DPY30: variants seen among roughly 807,000 people sequenced by gnomAD.
DPY30 encodes protein dpy-30 homolog.
Under a neutral mutation model 16.2 loss-of-function variants are expected in DPY30, and 6 were observed. The ratio of observed to expected loss-of-function variants is 0.37; its 90% confidence interval spans 0.20 to 0.73. The LOEUF is 0.73. Ranked by LOEUF, DPY30 falls within the 30% of genes least tolerant of loss-of-function variation. The pLI, the probability that DPY30 is intolerant of heterozygous loss-of-function variation, is 0.51. For synonymous variants in DPY30, 39 were observed against 38.8 expected (o/e 1.00, Z -0.02); for missense variants, 73 against 113.1 (o/e 0.65, Z 1.61).
chr2:32,024,682 C>G (rs891443379), intron 4 of DPY30, among the ~76,000 whole-genome samples: 5 of 152,212 alleles, frequency 3.3e-5, no homozygotes, highest in African/African-American at 1.2e-4. Flanking sequence ...GTGTAATATT[C>G]TGTGTAATAT....
Position 32,039,730 on chromosome 2 carries a change from T to G in DPY30, c.-37+3A>C. 1 of 558,604 alleles carries G rather than the reference T, an allele frequency of 1.8e-6. No individual in the cohort carries two copies. The highest frequency in any genetic ancestry group is 3.2e-6 in the Non-Finnish European group (1 of 312,278). The allele number at this position is 558,604 out of a possible 1,614,324, so 34.6% of individuals were successfully genotyped here. On this transcript the variant is annotated splice_donor_region_variant and intron_variant, in intron 1 of 4. Transcript: ENST00000342166. Reference sequence around the variant, plus strand: ...AGAAAGTGGGGGAAAGGGAGCTGATTACCCGCGCCCAAGCCGTTCGTTCTT... The same window carrying G: ...AGAAAGTGGGGGAAAGGGAGCTGATGACCCGCGCCCAAGCCGTTCGTTCTT...
chr2:32,035,308 A>C (rs1675693582), intron 3 of DPY30, among the ~76,000 whole-genome samples: 1 of 151,942 alleles, frequency 6.6e-6, no homozygotes, highest in Non-Finnish European at 1.5e-5. Context: ...ATAAATAAAT[A>C]AACAAAAACA....
intron 4 of DPY30, 25 bp downstream of exon 4, chr2:32,029,565 AACTC>A: frequency 6.2e-7 from 1 of 1,606,442 alleles, no homozygotes; most frequent in African/African-American, 1.3e-5. Flanking sequence ...TTTCTTTACT[AACTC>A]CATTTGTGGA....
intron 5 of DPY30, among the ~76,000 whole-genome samples, chr2:32,017,488 G>T (rs1479962949): frequency 2.6e-5 from 4 of 151,798 alleles, no homozygotes; most frequent in Non-Finnish European, 5.9e-5. Context: ...ATGGTGGCAG[G>T]CATCTATAAT....
At chr2:32,019,725 CAGG>C (rs1369390347), downstream of DPY30, among the ~76,000 whole-genome samples, 2 of 149,188 alleles carry the variant, frequency 1.3e-5, no homozygotes, top group Non-Finnish European at 3.0e-5. Flanking sequence ...GAGGCTGAGG[CAGG>C]AGATTTGCTT....
At chr2:32,022,486 C>T (rs182241491), downstream of DPY30, among the ~76,000 whole-genome samples, 4 of 151,626 alleles carry the variant, frequency 2.6e-5, no homozygotes, top group East Asian at 7.8e-4. Context: ...TAAGGCATAC[C>T]TAATCAGCAT....
rs754323804 is a variant in DPY30, at chr2:32,039,437, AGCATCT to A, written c.14_19del (p.Gln5_Met6del). 5.9e-5 allele frequency: 96 copies of A among 1,614,084 alleles called. No homozygotes were observed. The African/African-American group carries it at 1.1e-3, about 18-fold the overall frequency. On this transcript the variant is annotated inframe_deletion, in exon 2 of 5. Coordinates refer to ENST00000342166, the MANE Select transcript of DPY30 (RefSeq NM_001321209.2). ...TCCTGATACCTGCGTTTGTCCCTCCAGCATCTGCTCTGGCTCCATGGCGGACCCTGC... is the reference window on the plus strand; with the variant it reads ...TCCTGATACCTGCGTTTGTCCCTCCAGCTCTGGCTCCATGGCGGACCCTGC...
chr2:32,030,500 G>C (rs1675494868), intron 3 of DPY30, among the ~76,000 whole-genome samples: 2 of 151,940 alleles, frequency 1.3e-5, no homozygotes, highest in African/African-American at 4.8e-5. Context: ...CGTGGTGGCA[G>C]GCGCCTGTAG....
chr2:32,037,805 G>A (rs1037260747), intron 3 of DPY30, among the ~76,000 whole-genome samples: 2 of 151,656 alleles, frequency 1.3e-5, no homozygotes, highest in African/African-American at 2.4e-5. Flanking sequence ...TGCCCACCTC[G>A]GCCTCCCAAA....
At chr2:32,039,546 C>A in intron 1 of DPY30, 54 bp from the exon 2 acceptor site, 1 of 1,585,606 alleles carries the variant, frequency 6.3e-7, no homozygotes, top group Non-Finnish European at 8.6e-7. Context: ...CACGAAGACT[C>A]CAGGATGGAG....
At chr2:32,016,484 A>G (rs1675067756) in intron 5 of DPY30, among the ~76,000 whole-genome samples, 1 of 152,206 alleles carries the variant, frequency 6.6e-6, no homozygotes, top group African/African-American at 2.4e-5. Flanking sequence ...CTCTTCCTAA[A>G]ACGATTCTAT....
intron 3 of DPY30, among the ~76,000 whole-genome samples, chr2:32,037,970 CCA>C (rs1675810060): frequency 6.6e-6 from 1 of 151,860 alleles, no homozygotes; most frequent in South Asian, 2.1e-4. Flanking sequence ...TTAATATTAG[CCA>C]CACACACTCT....
intron 4 of DPY30, among the ~76,000 whole-genome samples, chr2:32,024,660 T>C (rs904022419): frequency 9.2e-5 from 14 of 152,218 alleles, no homozygotes; most frequent in African/African-American, 3.1e-4. Context: ...TCAAGCTGTA[T>C]ACCTATGATA....
At chr2:32,028,733 G>A (rs1675424609) in intron 4 of DPY30, among the ~76,000 whole-genome samples, 2 of 152,172 alleles carry the variant, frequency 1.3e-5, no homozygotes, top group African/African-American at 4.8e-5. Flanking sequence ...GGAGGTTGCA[G>A]TGAGCCAAGA....
chr2:32,020,076 G>A (rs536145019), downstream of DPY30, among the ~76,000 whole-genome samples: 6 of 151,120 alleles, frequency 4.0e-5, no homozygotes, highest in Non-Finnish European at 5.9e-5. Flanking sequence ...TAAACTAGCC[G>A]GGCGTGGTGG....
At position 32,024,048 on chromosome 2, in the gene DPY30, C is replaced by T. The variant is rs1675245958; in HGVS notation, c.*136G>A. The T allele has an allele frequency of 6.7e-7, 1 of 1,495,000 alleles. No individual in the cohort carries two copies. Among genetic ancestry groups the T allele is most frequent in the Non-Finnish European group, 8.8e-7 (1 of 1,130,150 alleles). 92.6% of individuals were successfully genotyped at this position (1,495,000 alleles called of 1,614,324 possible). A position where few individuals can be genotyped will look rare whatever the true frequency, so the allele number is the denominator to read the frequency against. On this transcript the variant is annotated 3_prime_UTR_variant, in exon 5 of 5. Coordinates refer to ENST00000342166, the MANE Select transcript of DPY30 (RefSeq NM_001321209.2). ...AATAAGGGAAATATGTTATCTTCTG[C>T]AATTCCAGAAATAGGTTCTGTTGTC... is the stretch of plus-strand genomic sequence containing the variant.
At chr2:32,032,953 G>A (rs1022521255) in intron 3 of DPY30, among the ~76,000 whole-genome samples, 10 of 151,350 alleles carry the variant, frequency 6.6e-5, no homozygotes, top group South Asian at 2.1e-4. Flanking sequence ...CCAAGATTGC[G>A]CCACTGCACT....
At chr2:32,038,431 G>A (rs1434286581) in intron 3 of DPY30, among the ~76,000 whole-genome samples, 3 of 98,222 alleles carry the variant, frequency 3.1e-5, no homozygotes, top group Non-Finnish European at 6.0e-5. Flanking sequence ...GCGGGGGGAG[G>A]GAAATAGGGA....
intron 5 of DPY30, among the ~76,000 whole-genome samples, chr2:32,012,372 CA>C (rs973647761): frequency 2.5e-4 from 27 of 108,050 alleles, no homozygotes; most frequent in African/African-American, 2.8e-4. Context: ...TAATATGCAA[CA>C]AAAAAAAAAT....
Sources: gnomAD v4.1 joint callset for allele counts (sites outside exome capture counted in the v4.1 genomes callset) on GRCh38, gnomAD v4.1.1 for gene constraint, MANE v1.5 for transcripts, NCBI Gene and HGNC (gene_info 2026-07-23, HGNC 2026-07-21) for gene names.